RASA3: variants seen among roughly 807,000 people sequenced by gnomAD.
RASA3 encodes ras GTPase-activating protein 3.
In RASA3, 73 loss-of-function variants were observed where a neutral mutation model predicts 110.0. The ratio of observed to expected loss-of-function variants is 0.66; its 90% CI spans 0.55 to 0.81. RASA3 has a LOEUF of 0.81. RASA3 is among the 30% of genes least tolerant of loss of function. The probability of loss-of-function intolerance (pLI) is 0.00; values close to 1 mark genes in which losing one functional copy is unlikely to be tolerated. For missense variants in RASA3, 976 were observed against 1,113.2 expected, an observed-to-expected ratio of 0.88 and a Z score of 1.75; for synonymous variants, 500 against 451.4, an observed-to-expected ratio of 1.11 and a Z score of -1.37.
At chr13:114,015,400 C>G in intron 13 of RASA3, 68 bp from the exon 14 acceptor site, 1 of 1,587,386 alleles carries the variant, frequency 6.3e-7, no homozygotes, top group Non-Finnish European at 8.6e-7. Flanking sequence ...CACCAGGGCA[C>G]GCCCAGGGAG....
At chr13:114,103,561 C>A (rs1455140122) in intron 1 of RASA3, among the ~76,000 whole-genome samples, 2 of 114,650 alleles carry the variant, frequency 1.7e-5, no homozygotes, top group Non-Finnish European at 3.8e-5. Context: ...GACACCCACC[C>A]CCGATGCGTC....
Position 114,078,697 on chromosome 13 carries a change from A to G in RASA3, c.56-4860T>C, listed in dbSNP as rs555974660. ...AGGGATCAGGCAGTGAGTAACAAAA[A>G]CAAAGGCCCTGATCCAAAGCGTCAT... On this transcript the variant is annotated intron_variant, in intron 1 of 23. Coordinates refer to ENST00000334062, the MANE Select transcript of RASA3 (RefSeq NM_007368.4). Among the ~76,000 whole-genome samples, 11 of 152,342 alleles carry G rather than the reference A, an allele frequency of 7.2e-5. 1 individual carries two copies. In the East Asian group the frequency reaches 1.9e-3, roughly 27 times the overall value.
In RASA3 at chr13:114,018,870, C is replaced by T; in HGVS notation, c.835G>A (p.Asp279Asn). The T allele has an allele frequency of 5.6e-6, 9 of 1,613,932 alleles. No individual in the cohort carries two copies. Among genetic ancestry groups the T allele is most frequent in the Non-Finnish European group, 7.6e-6 (9 of 1,180,002 alleles). ...ACGTTCAGCCGCAGGGAGCCCAGGT[C>T]GTCTGGCTTTAGGCTCTTGCTACCA... ...DNGSKSLKPD[D>N]LGSLRLNVVY... Residue 279 changes from aspartate to asparagine, a missense_variant, in exon 10 of 24, where the codon GAC (aspartate) becomes AAC (asparagine). Asp to Asn is a conservative substitution (Grantham distance 23). This residue lies in a region of RASA3 where 732 missense variants were observed against 779.7 expected (regional missense o/e 0.94). Transcript: ENST00000334062.
chr13:114,010,076 T>C (rs951011495), intron 16 of RASA3, among the ~76,000 whole-genome samples: 3 of 152,134 alleles, frequency 2.0e-5, no homozygotes, highest in Admixed American at 6.5e-5. Context: ...GTGCCTGTTA[T>C]GGAGTTTCCA....
intron 2 of RASA3, among the ~76,000 whole-genome samples, chr13:114,055,259 G>A (rs1038150520): frequency 1.3e-5 from 2 of 152,232 alleles, no homozygotes; most frequent in African/African-American, 4.8e-5. Flanking sequence ...ATGTGCCCTG[G>A]AGCACTTGGG....
chr13:114,027,254 C>A (rs558560716), intron 7 of RASA3, 135 bp downstream of exon 7: 204 of 788,194 alleles, frequency 2.6e-4, no homozygotes, highest in Admixed American at 4.8e-4. Context: ...AACCCAGGGC[C>A]GGCTGGCGGG....
chr13:114,112,831 G>A lies in RASA3; in HGVS notation c.55+19604C>T, dbSNP rs1316953611. ...TGTGGGCTCATCTCTCAGCTCAAAGGGTTTCCAAGAGAATCCTCAGCAAAA... is the reference window on the plus strand; with the variant it reads ...TGTGGGCTCATCTCTCAGCTCAAAGAGTTTCCAAGAGAATCCTCAGCAAAA... On this transcript the variant is annotated intron_variant, in intron 1 of 23. Transcript: ENST00000334062. The surrounding 1 kb of genome is among the most constrained non-coding windows in gnomAD (Gnocchi z 4.8). Among the ~76,000 whole-genome samples, 40 of 152,060 alleles carry A rather than the reference G, an allele frequency of 2.6e-4. 2 individuals are homozygous for A. Among genetic ancestry groups the A allele is most frequent in the Admixed American group, 2.5e-3 (38 of 15,274 alleles).
intron 1 of RASA3, among the ~76,000 whole-genome samples, chr13:114,102,621 G>A (rs533897223): frequency 1.4e-4 from 22 of 152,188 alleles, no homozygotes; most frequent in Non-Finnish European, 2.5e-4. Flanking sequence ...GGCCCAGGGC[G>A]GTGAGCAGGC....
chr13:114,024,485 G>A (rs1016445626), intron 7 of RASA3, 130 bp from the exon 8 acceptor site: 12 of 793,676 alleles, frequency 1.5e-5, no homozygotes, highest in African/African-American at 1.4e-4. Flanking sequence ...CAACCAGGAA[G>A]GCGCCAGGCG....
intron 2 of RASA3, among the ~76,000 whole-genome samples, chr13:114,068,312 A>T (rs2079490491): frequency 6.6e-6 from 1 of 152,250 alleles, no homozygotes; most frequent in Non-Finnish European, 1.5e-5. Context: ...CCTGAGGCAG[A>T]GCCTCCCTGA....
intron 1 of RASA3, among the ~76,000 whole-genome samples, chr13:114,121,878 C>T (rs1440308396): frequency 6.6e-6 from 1 of 152,252 alleles, no homozygotes; most frequent in Non-Finnish European, 1.5e-5. Flanking sequence ...CTCTCTCCTG[C>T]CTCGCACCAT....
At chr13:114,030,590 A>C (rs966194747) in intron 4 of RASA3, among the ~76,000 whole-genome samples, 17 of 152,220 alleles carry the variant, frequency 1.1e-4, no homozygotes, top group Non-Finnish European at 2.4e-4. Context: ...CAGAGCAGAC[A>C]GCAAGGCTGC....
At chr13:114,107,056 T>C (rs372286200) in intron 1 of RASA3, among the ~76,000 whole-genome samples, 15 of 152,362 alleles carry the variant, frequency 9.8e-5, no homozygotes, top group African/African-American at 3.4e-4. Context: ...TCCTCTCTCG[T>C]GCACGGCCAC....
intron 3 of RASA3, among the ~76,000 whole-genome samples, chr13:114,041,352 G>A (rs1406162267): frequency 6.6e-6 from 1 of 152,248 alleles, no homozygotes; most frequent in Non-Finnish European, 1.5e-5. Flanking sequence ...GGGCATGGTG[G>A]CACTGTATCT....
At chr13:114,073,686 C>T (rs2079617992) in intron 2 of RASA3, 34 bp downstream of exon 2, 1 of 1,526,584 alleles carries the variant, frequency 6.6e-7, no homozygotes, top group Non-Finnish European at 9.1e-7. Flanking sequence ...AAAGAAAACA[C>T]ATCAGTGCCA....
Position 114,007,591 on chromosome 13 carries a change from A to C in RASA3, c.1684T>G (p.Ser562Ala). ...DAVKNFLDLI[S>A]SSGRRDPKSV... The stretch of plus-strand genomic sequence containing the variant: ...TTGGGGTCTCTTCTCCCCGAGGACG[A>C]AATCAGATCCAAGAACTAAAGTTGG... Residue 562 changes from serine to alanine, a missense_variant, in exon 18 of 24, where the codon TCG becomes GCG. Physicochemically the swap from Ser to Ala is moderately conservative, Grantham distance 99. This residue lies in a region of RASA3 where 732 missense variants were observed against 779.7 expected (regional missense o/e 0.94). Coordinates refer to ENST00000334062, the MANE Select transcript of RASA3 (RefSeq NM_007368.4). The C allele has an allele frequency of 6.2e-7, 1 of 1,613,106 alleles. No individual in the cohort carries two copies. The highest frequency in any genetic ancestry group is 8.5e-7 in the Non-Finnish European group (1 of 1,179,522).
At chr13:114,030,406 G>GCAGAGAGCAAGACTCACA (rs1566501438) in intron 4 of RASA3, among the ~76,000 whole-genome samples, 5 of 55,356 alleles carry the variant, frequency 9.0e-5, no homozygotes, top group Non-Finnish European at 1.7e-4. Flanking sequence ...CAAGACTCAC[G>GCAGAGAGCAAGACTCACA]CAGAGAGCAA....
intron 1 of RASA3, among the ~76,000 whole-genome samples, chr13:114,103,265 C>A (rs1366731486): frequency 6.6e-6 from 1 of 152,110 alleles, no homozygotes; most frequent in Non-Finnish European, 1.5e-5. Context: ...GAGAGATGCC[C>A]AAGAGACCAC....
chr13:114,056,736 G>A lies in RASA3; in HGVS notation c.174-4581C>T. ...TCAATAAAAAGAGATAAAAATAGCA[G>A]AAAGAGGAAGCTACAAGAAAACATA... On this transcript the variant is annotated intron_variant, in intron 2 of 23. Coordinates refer to ENST00000334062, the MANE Select transcript of RASA3 (RefSeq NM_007368.4). This position sits in a 1 kb window ranked among gnomAD's most constrained non-coding sequence, Gnocchi z 5.7. 2.2e-6 allele frequency: 2 copies of A among 900,926 alleles called. No homozygotes were observed. Among genetic ancestry groups the A allele is most frequent in the Non-Finnish European group, 1.3e-6 (1 of 752,782 alleles). 55.8% of individuals were successfully genotyped at this position (900,926 alleles called of 1,614,324 possible). A position where few individuals can be genotyped will look rare whatever the true frequency, so the allele number is the denominator to read the frequency against.
Sources: allele counts gnomAD v4.1 joint callset (sites outside exome capture counted in the v4.1 genomes callset), GRCh38; gene constraint gnomAD v4.1.1; regional missense constraint gnomAD v4.1.1; non-coding constraint Gnocchi (gnomAD v3.1); transcripts MANE v1.5; gene names NCBI Gene and HGNC (gene_info 2026-07-23, HGNC 2026-07-21).